Variants in GARNL3 observed in about 807,000 individuals in gnomAD.
The protein encoded by GARNL3 is GTPase activating Rap/RanGAP domain like 3.
A neutral mutation model predicts 125.0 loss-of-function variants in GARNL3; 63 were observed. The ratio of observed to expected loss-of-function variants is 0.50; its 90% CI spans 0.41 to 0.62. The LOEUF is 0.62. Ranked by LOEUF, GARNL3 falls within the 20% of genes least tolerant of loss-of-function variation. The pLI, the probability that GARNL3 is intolerant of heterozygous loss-of-function variation, is 0.00. For missense variants in GARNL3, 994 were observed against 1,244.0 expected (o/e 0.80, Z 3.02); for synonymous variants, 439 against 457.5 (o/e 0.96, Z 0.52).
chr9:127,303,980 G>A (rs2064875282), intron 2 of GARNL3, among the ~76,000 whole-genome samples: 1 of 152,156 alleles, frequency 6.6e-6, no homozygotes, highest in Non-Finnish European at 1.5e-5. Flanking sequence ...AGGCCTGAAT[G>A]CAGCATGGAG....
intron 1 of GARNL3, among the ~76,000 whole-genome samples, chr9:127,231,228 G>GTT (rs34963289): frequency 0.4 from 39,563 of 100,072 alleles, 8,672 homozygotes; most frequent in Admixed American, 0.52. Context: ...CTAATTTTTT[G>GTT]TTTTTTTTTT....
intron 22 of GARNL3, among the ~76,000 whole-genome samples, chr9:127,370,128 C>A (rs1219715302): frequency 6.6e-6 from 1 of 152,202 alleles, no homozygotes; most frequent in Non-Finnish European, 1.5e-5. Flanking sequence ...AACTGTTTTA[C>A]AAGGCACAGT....
At chr9:127,258,488 A>T (rs1440413650) in intron 2 of GARNL3, among the ~76,000 whole-genome samples, 1 of 151,994 alleles carries the variant, frequency 6.6e-6, no homozygotes, top group Non-Finnish European at 1.5e-5. Flanking sequence ...AAAATATGAA[A>T]ATTAGCCGGG....
At chr9:127,275,829 T>C (rs923915056) in intron 1 of GARNL3, among the ~76,000 whole-genome samples, 2 of 152,234 alleles carry the variant, frequency 1.3e-5, no homozygotes, top group Admixed American at 6.5e-5. Flanking sequence ...AGAAAAGGAT[T>C]GTATGCTTTT....
At chr9:127,299,929 C>G (rs2064732620) in intron 2 of GARNL3, among the ~76,000 whole-genome samples, 1 of 152,060 alleles carries the variant, frequency 6.6e-6, no homozygotes, top group African/African-American at 2.4e-5. Context: ...GTATTGAACT[C>G]CTGACCTCAG....
rs920925156 is a variant in GARNL3 at position 127,332,290 on chromosome 9, A to C, written c.611A>C (p.Lys204Thr). 6.2e-7 allele frequency: 1 copy of C among 1,613,422 alleles called. No homozygotes were observed. Among genetic ancestry groups the C allele is most frequent in the Non-Finnish European group, 8.5e-7 (1 of 1,179,520 alleles). ...LEEQEGSVNFKFGVLFAKDGQ... is the reference protein window; with the variant it reads ...LEEQEGSVNFTFGVLFAKDGQ... ...TATCCTAAGGGCTCTGTGAATTTCA[A>C]GTTTGGGGTTCTTTTTGCCAAAGAT... Residue 204 changes from lysine to threonine, a missense_variant, in exon 8 of 28, where the codon AAG (lysine) becomes ACG (threonine). This residue lies in a region of GARNL3 where 139 missense variants were observed against 231.6 expected (regional missense o/e 0.60). Transcript: ENST00000373387.
intron 24 of GARNL3, 125 bp from the exon 25 acceptor site, chr9:127,387,068 C>G: frequency 3.1e-6 from 3 of 960,108 alleles, no homozygotes; most frequent in Non-Finnish European, 4.5e-6. Flanking sequence ...CCCCGGCATC[C>G]CGCACTGCAC....
At chr9:127,263,830 ACT>A, upstream of GARNL3, 2 of 1,295,112 alleles carry the variant, frequency 1.5e-6, no homozygotes, top group Non-Finnish European at 2.0e-6. Context: ...ATGCCATTAG[ACT>A]CTCTAATCTC....
At chr9:127,234,355 A>C (rs1319377033) in intron 1 of GARNL3, among the ~76,000 whole-genome samples, 1 of 152,348 alleles carries the variant, frequency 6.6e-6, no homozygotes, top group East Asian at 1.9e-4. Flanking sequence ...CTTAAGAGAG[A>C]TGAAGTCTGA....
At chr9:127,383,731 C>G (rs1832396273) in intron 23 of GARNL3, among the ~76,000 whole-genome samples, 186 bp downstream of exon 23, 1 of 152,160 alleles carries the variant, frequency 6.6e-6, no homozygotes, top group Admixed American at 6.5e-5. Flanking sequence ...GGACTATCGT[C>G]TTCTACTGTT....
At chr9:127,240,075 G>A (rs1404429028) in intron 1 of GARNL3, among the ~76,000 whole-genome samples, 1 of 152,192 alleles carries the variant, frequency 6.6e-6, no homozygotes, top group African/African-American at 2.4e-5. Flanking sequence ...GTAGAAAGAT[G>A]TGTAAGACCT....
rs1832972602 is a variant in GARNL3 at position 127,393,373 on chromosome 9, C to T, written c.*119C>T. ...TTAGCCTGTCAGTGATCTATTGGAC[C>T]AAACCTTCTGCACACTCGGCCAGTT... is the stretch of plus-strand genomic sequence containing the variant. On this transcript the variant is annotated 3_prime_UTR_variant, in exon 28 of 28. Coordinates refer to ENST00000373387, the MANE Select transcript of GARNL3 (RefSeq NM_032293.5). The T allele has an allele frequency of 1.1e-6, 1 of 870,698 alleles. No homozygotes were observed. Among genetic ancestry groups the T allele is most frequent in the East Asian group, 2.5e-5 (1 of 39,416 alleles). The allele number at this position is 870,698 out of a possible 1,614,324, so 53.9% of individuals were successfully genotyped here.
chr9:127,225,263 G>A, intron 1 of GARNL3: 1 of 737,100 alleles, frequency 1.4e-6, no homozygotes, highest in Non-Finnish European at 1.7e-6. Flanking sequence ...GCCGGCCGAG[G>A]CCCGAGCCCA....
At chr9:127,306,600 G>A (rs538050521) in intron 2 of GARNL3, among the ~76,000 whole-genome samples, 13 of 152,216 alleles carry the variant, frequency 8.5e-5, no homozygotes, top group Admixed American at 1.3e-4. Context: ...GGTGGCAGGC[G>A]CCTGTAGTCC....
chr9:127,239,296 T>C (rs573063850), intron 1 of GARNL3, among the ~76,000 whole-genome samples: 2 of 152,228 alleles, frequency 1.3e-5, no homozygotes, highest in East Asian at 3.9e-4. Context: ...GGTCACCCTT[T>C]CTCATTAGAA....
At chr9:127,323,045 T>A in intron 6 of GARNL3, among the ~76,000 whole-genome samples, 1 of 152,118 alleles carries the variant, frequency 6.6e-6, no homozygotes, top group Non-Finnish European at 1.5e-5. Flanking sequence ...CACTTCTAGG[T>A]TTAAAAAGTG....
chr9:127,334,584 C>T (rs1470928842), intron 9 of GARNL3, among the ~76,000 whole-genome samples: 2 of 152,192 alleles, frequency 1.3e-5, no homozygotes, highest in African/African-American at 2.4e-5. Context: ...ACCCCCGCTG[C>T]CAACCCTCAG....
At chr9:127,347,458 A>G (rs1423010128) in intron 16 of GARNL3, among the ~76,000 whole-genome samples, 1 of 152,116 alleles carries the variant, frequency 6.6e-6, no homozygotes, top group Middle Eastern at 3.2e-3. Flanking sequence ...TGGCATATAT[A>G]TGCAGCATTT....
Position 127,378,376 on chromosome 9 carries a change from C to T in GARNL3, c.2162-5062C>T, listed in dbSNP as rs148221050. Among the ~76,000 whole-genome samples the T allele has an allele frequency of 4.5e-3, 680 of 152,098 alleles. 6 individuals are homozygous for T. Among genetic ancestry groups the T allele is most frequent in the African/African-American group, 0.016 (646 of 41,480 alleles). On this transcript the variant is annotated intron_variant, in intron 22 of 27. Coordinates refer to ENST00000373387, the MANE Select transcript of GARNL3 (RefSeq NM_032293.5). ...GCCAAGAGGGCAGATCACCTGAGGT[C>T]GGGAGTTCAAGACCAGCCTGGCCAA...
Sources: allele counts gnomAD v4.1 joint callset (sites outside exome capture counted in the v4.1 genomes callset), GRCh38; gene constraint gnomAD v4.1.1; regional missense constraint gnomAD v4.1.1; transcripts MANE v1.5; gene names NCBI Gene and HGNC (gene_info 2026-07-23, HGNC 2026-07-21).